The following MED1 variants were observed in gnomAD, a reference collection of about 807,000 sequenced individuals.
The protein encoded by MED1 is mediator complex subunit 1, also known as mediator of RNA polymerase II transcription subunit 1.
In MED1, 17 loss-of-function variants were observed where a neutral mutation model predicts 121.3. The ratio of observed to expected loss-of-function variants is 0.14; its 90% CI spans 0.10 to 0.21. MED1 has a LOEUF of 0.21. MED1 is among the 10% of genes least tolerant of loss of function. The probability of loss-of-function intolerance (pLI) is 1.00; values close to 1 mark genes in which losing one functional copy is unlikely to be tolerated. For synonymous variants in MED1, 661 were observed against 694.4 expected (o/e 0.95, Z 0.76); for missense variants, 1,558 against 1,919.4 (o/e 0.81, Z 3.52).
In MED1 at chr17:39,423,410, G is replaced by A. The variant is rs768496336; in HGVS notation, c.1012C>T (p.Pro338Ser). Reference protein sequence around the residue: ...PLFETQPTYAPLYELITQFEL... With the variant: ...PLFETQPTYASLYELITQFEL... ...AACTGAGTGATCAGTTCATACAGGG[G>A]TGCATAAGTTGGTTGAGTTTCAAAC... Residue 338 changes from proline (P) to serine (S), a missense_variant, in exon 13 of 17, where the codon CCC (proline) becomes TCC (serine). Physicochemically the swap from Pro to Ser is moderately conservative, Grantham distance 74. Coordinates refer to ENST00000300651, the MANE Select transcript of MED1 (RefSeq NM_004774.4). The A allele has an allele frequency of 6.2e-6, 10 of 1,613,824 alleles. No homozygotes were observed. In the East Asian group the frequency reaches 2.2e-4, roughly 36 times the overall value.
At position 39,442,035 on chromosome 17, in the gene MED1, G is replaced by A. The variant is rs565281572; in HGVS notation, c.212-1358C>T. On this transcript the variant is annotated intron_variant, in intron 3 of 16. Transcript: ENST00000300651. ...GAACAATCACTTGAATCCGGGAAACGGAGGTTGCAGTGAGCAGAGATCGTG... is the reference window on the plus strand; with the variant it reads ...GAACAATCACTTGAATCCGGGAAACAGAGGTTGCAGTGAGCAGAGATCGTG... 9.2e-5 allele frequency among the ~76,000 whole-genome samples: 13 copies of A among 141,630 alleles called. No individual in the cohort carries two copies. In the South Asian group the frequency reaches 1.8e-3, roughly 20 times the overall value. The allele number at this position is 141,630 out of a possible 152,430, so 92.9% of individuals were successfully genotyped here. A position where few individuals can be genotyped will look rare whatever the true frequency, so the allele number is the denominator to read the frequency against.
rs753552065 is a variant in MED1, at chr17:39,405,269, G to A, written c.*2206C>T. Reference sequence around the variant, plus strand: ...GGGTGAGCCCATCGACAATTCAGGGGCTTATCCTTCATCCAGATCCTAACT... The same window carrying A: ...GGGTGAGCCCATCGACAATTCAGGGACTTATCCTTCATCCAGATCCTAACT... On this transcript the variant is annotated 3_prime_UTR_variant, in exon 17 of 17. Transcript: ENST00000300651. 36 of 1,603,880 alleles carry A rather than the reference G, an allele frequency of 2.2e-5. No homozygotes were observed. Among genetic ancestry groups the A allele is most frequent in the Admixed American group, 1.4e-4 (8 of 58,764 alleles).
Position 39,408,814 on chromosome 17 carries a change from C to T in MED1, c.3407G>A (p.Gly1136Glu). 1 of 1,614,004 alleles carries T rather than the reference C, an allele frequency of 6.2e-7. No homozygotes were observed. The highest frequency in any genetic ancestry group is 2.2e-5 in the East Asian group (1 of 44,888). The part of the protein sequence containing the change: ...KLSSSMYSSQ[G>E]SSGSSQSKNS... ...TTTGGACTGGCTAGATCCAGAAGAC[C>T]CCTGGCTAGAATACATACTGCTACT... Residue 1136 changes from glycine to glutamate, a missense_variant, in exon 17 of 17, where the codon GGG becomes GAG. Transcript: ENST00000300651. The surrounding 1 kb of genome is among the most constrained non-coding windows in gnomAD (Gnocchi z 4.7).
At chr17:39,446,741 T>C (rs1440362081) in intron 2 of MED1, among the ~76,000 whole-genome samples, 3 of 147,850 alleles carry the variant, frequency 2.0e-5, no homozygotes, top group Non-Finnish European at 4.5e-5. Context: ...ACCATTGCAC[T>C]CCAGCCTGGC....
At chr17:39,446,112 A>G (rs2048724633) in intron 2 of MED1, among the ~76,000 whole-genome samples, 2 of 151,688 alleles carry the variant, frequency 1.3e-5, no homozygotes, top group Admixed American at 1.3e-4. Context: ...AAGTGGGTGG[A>G]TCACTTGAGC....
chr17:39,431,026 T>A (rs962957446), intron 9 of MED1, 89 bp downstream of exon 9: 16 of 1,262,244 alleles, frequency 1.3e-5, no homozygotes, highest in Admixed American at 3.7e-5. Flanking sequence ...CTCAAAAAAA[T>A]AAACAAACAA....
chr17:39,437,930 G>A (rs553689671), intron 6 of MED1, among the ~76,000 whole-genome samples: 9 of 151,620 alleles, frequency 5.9e-5, no homozygotes, highest in Non-Finnish European at 1.0e-4. Context: ...GTAAATCTCC[G>A]TCTCACCAAA....
At chr17:39,445,812 C>T (rs1476284481) in intron 2 of MED1, among the ~76,000 whole-genome samples, 1 of 151,702 alleles carries the variant, frequency 6.6e-6, no homozygotes, top group Non-Finnish European at 1.5e-5. Context: ...AGGTGGATCA[C>T]AAGGTCAGGA....
Position 39,406,215 on chromosome 17 carries a change from A to G in MED1, c.*1260T>C. ...GTAGCAAGGGTTTATCTTCATGCTCACCTAGCATTCCAGGCCCCCATTACT... is the reference window on the plus strand; with the variant it reads ...GTAGCAAGGGTTTATCTTCATGCTCGCCTAGCATTCCAGGCCCCCATTACT... On this transcript the variant is annotated 3_prime_UTR_variant, in exon 17 of 17. Transcript: ENST00000300651. 1.0e-6 allele frequency: 1 copy of G among 985,572 alleles called. No individual in the cohort carries two copies. Among genetic ancestry groups the G allele is most frequent in the Non-Finnish European group, 1.2e-6 (1 of 829,940 alleles). The allele number at this position is 985,572 out of a possible 1,614,324, so 61.1% of individuals were successfully genotyped here.
chr17:39,408,088 G>T lies in MED1; in HGVS notation c.4133C>A (p.Thr1378Asn), dbSNP rs2048320157. The change falls in exon 17 of 17, where the codon ACC (threonine) becomes AAC (asparagine). Residue 1378 changes from threonine to asparagine, a missense_variant. Thr to Asn is a moderately conservative substitution (Grantham distance 65). Transcript: ENST00000300651. The surrounding 1 kb of genome is among the most constrained non-coding windows in gnomAD (Gnocchi z 4.7). ...GCTCCCCACATTTTTTGACTCTGAG[G>T]TCTTCTTAGAAGAATCCACTGAACT... The part of the protein sequence containing the change: ...SGSSVDSSKK[T>N]SESKNVGSTG... The T allele has an allele frequency of 3.1e-6, 5 of 1,614,102 alleles. No individual in the cohort carries two copies. Among genetic ancestry groups the T allele is most frequent in the Non-Finnish European group, 4.2e-6 (5 of 1,180,018 alleles).
At chr17:39,451,000 TTG>T (rs1368852113) in intron 1 of MED1, 36 bp downstream of exon 1, 1 of 1,592,592 alleles carries the variant, frequency 6.3e-7, no homozygotes, top group South Asian at 1.1e-5. Context: ...GCTCCCCCAG[TTG>T]TGTCCCGCCC....
At chr17:39,424,356 T>A (rs1246668854) in intron 11 of MED1, among the ~76,000 whole-genome samples, 2 of 152,176 alleles carry the variant, frequency 1.3e-5, no homozygotes, top group African/African-American at 4.8e-5. Flanking sequence ...TACTCCAATG[T>A]AACTAATGAA....
intron 16 of MED1, among the ~76,000 whole-genome samples, chr17:39,414,407 C>G (rs1379865876): frequency 2.0e-5 from 3 of 150,958 alleles, no homozygotes; most frequent in Non-Finnish European, 4.4e-5. Context: ...ATGATCTCGG[C>G]TCACTGCAAG....
At chr17:39,433,984 T>C (rs2048594828) in intron 7 of MED1, among the ~76,000 whole-genome samples, 1 of 152,222 alleles carries the variant, frequency 6.6e-6, no homozygotes, top group South Asian at 2.1e-4. Flanking sequence ...CCACAGCAAC[T>C]AATTCCTTTC....
In MED1 at chr17:39,440,851, A is replaced by C. The variant is rs748330992; in HGVS notation, c.212-174T>G. 7.2e-5 allele frequency among the ~76,000 whole-genome samples: 11 copies of C among 152,164 alleles called. No individual in the cohort carries two copies. Among genetic ancestry groups the C allele is most frequent in the Non-Finnish European group, 1.5e-4 (10 of 68,018 alleles). ...GTTAGCTGTGGCCTATGCAGTACTA[A>C]AGGTCAAAAAAAAAAGATCTATTTG... On this transcript the variant is annotated intron_variant, in intron 3 of 16. Transcript: ENST00000300651. This position sits in a 1 kb window ranked among gnomAD's most constrained non-coding sequence, Gnocchi z 4.1.
intron 6 of MED1, among the ~76,000 whole-genome samples, chr17:39,436,032 A>C (rs1376226899): frequency 6.6e-6 from 1 of 151,920 alleles, no homozygotes; most frequent in Non-Finnish European, 1.5e-5. Context: ...AGATTGCGCC[A>C]CTGTACTCCA....
At chr17:39,424,857 A>G in intron 10 of MED1, 119 bp from the exon 11 acceptor site, 1 of 640,006 alleles carries the variant, frequency 1.6e-6, no homozygotes, top group Non-Finnish European at 2.8e-6. Context: ...AGATGCTGTT[A>G]TTCCCTTATT....
At position 39,407,022 on chromosome 17, in the gene MED1, GAAC is replaced by G. The variant is rs1441687627; in HGVS notation, c.*450_*452del. The G allele has an allele frequency of 5.8e-5, 57 of 987,028 alleles. No individual in the cohort carries two copies. The highest frequency in any genetic ancestry group is 6.1e-5 in the Admixed American group (1 of 16,340). 61.1% of individuals were successfully genotyped at this position (987,028 alleles called of 1,614,324 possible). ...ACGGACAACTACCTCAAACAAAGTT[GAAC>G]AACCTTCATGCAAATGCATCAAGGA... On this transcript the variant is annotated 3_prime_UTR_variant, in exon 17 of 17. Transcript: ENST00000300651.
At chr17:39,424,573 T>G in intron 11 of MED1, 54 bp downstream of exon 11, 1 of 1,187,430 alleles carries the variant, frequency 8.4e-7, no homozygotes, top group Non-Finnish European at 1.2e-6. Context: ...ACTTGTTACA[T>G]ACTGCGCTTT....
Sources: gnomAD v4.1 joint callset for allele counts (sites outside exome capture counted in the v4.1 genomes callset) on GRCh38, gnomAD v4.1.1 for gene constraint, Gnocchi (gnomAD v3.1) non-coding constraint, MANE v1.5 for transcripts, NCBI Gene and HGNC (gene_info 2026-07-23, HGNC 2026-07-21) for gene names.